The following AHNAK variants were observed in gnomAD, a reference collection of about 807,000 sequenced individuals.
AHNAK encodes AHNAK nucleoprotein.
In AHNAK, 23 loss-of-function variants were observed where a neutral mutation model predicts 37.8. The observed-to-expected ratio is 0.61, with a 90% CI of 0.44 to 0.86. AHNAK has a LOEUF of 0.86. Among genes scored for constraint, AHNAK ranks in the 40% least tolerant of loss-of-function variants. The probability of loss-of-function intolerance (pLI) is 0.00; values close to 1 mark genes in which losing one functional copy is unlikely to be tolerated. For missense variants in AHNAK, 7,411 were observed against 7,319.4 expected (o/e 1.01, Z -0.46); for synonymous variants, 2,481 against 2,636.3 (o/e 0.94, Z 1.80).
chr11:62,516,220 C>T lies in AHNAK; in HGVS notation c.*524G>A. 7.8e-7 allele frequency: 1 copy of T among 1,289,232 alleles called. No individual in the cohort carries two copies. 79.9% of individuals were successfully genotyped at this position (1,289,232 alleles called of 1,614,324 possible). A position where few individuals can be genotyped will look rare whatever the true frequency, so the allele number is the denominator to read the frequency against. On this transcript the variant is annotated 3_prime_UTR_variant, in exon 5 of 5. Transcript: ENST00000378024. ...ACAACACTAAAGAACCCTAAAAACA[C>T]CCACACACCCTGACTACCACCACCT...
chr11:62,468,879 G>A (rs1047940125), intron 5 of AHNAK, among the ~76,000 whole-genome samples: 5 of 152,156 alleles, frequency 3.3e-5, no homozygotes, highest in Non-Finnish European at 5.9e-5. Flanking sequence ...GCTTTCCTCA[G>A]CTCTTTTCTG....
chr11:62,501,215 AT>A (rs1346548683), intron 4 of AHNAK, among the ~76,000 whole-genome samples: 1 of 151,952 alleles, frequency 6.6e-6, no homozygotes, highest in Non-Finnish European at 1.5e-5. Context: ...AAAAAAAACA[AT>A]TTTATCCCTG....
intron 5 of AHNAK, among the ~76,000 whole-genome samples, chr11:62,485,254 TAGTC>T (rs1365013501): frequency 6.6e-6 from 1 of 152,076 alleles, no homozygotes; most frequent in Non-Finnish European, 1.5e-5. Flanking sequence ...TTTTAAAAAT[TAGTC>T]AGGCATGGTG....
chr11:62,467,228 A>AT (rs397942943), intron 5 of AHNAK, among the ~76,000 whole-genome samples: 1 of 150,826 alleles, frequency 6.6e-6, no homozygotes, highest in African/African-American at 2.4e-5. Flanking sequence ...AAAAAAAAAA[A>AT]CTTAGAAAAA....
downstream of AHNAK, among the ~76,000 whole-genome samples, chr11:62,514,557 A>G (rs1315276929): frequency 6.6e-6 from 1 of 152,148 alleles, no homozygotes; most frequent in African/African-American, 2.4e-5. Flanking sequence ...CTCCATAAGT[A>G]TGTATCTGGC....
At chr11:62,512,851 G>A (rs1253780465), downstream of AHNAK, among the ~76,000 whole-genome samples, 1 of 132,556 alleles carries the variant, frequency 7.5e-6, no homozygotes, top group Non-Finnish European at 1.6e-5. This position sits in a 1 kb window ranked among gnomAD's most constrained non-coding sequence, Gnocchi z 4.0. Flanking sequence ...GCAAGATCCT[G>A]TTAGGAAGAA....
intron 5 of AHNAK, among the ~76,000 whole-genome samples, chr11:62,464,467 A>G (rs1306334047): frequency 6.6e-6 from 1 of 151,970 alleles, no homozygotes; most frequent in Admixed American, 6.5e-5. Flanking sequence ...CAGGAGTTTG[A>G]GACCAGCCTG....
At position 62,529,959 on chromosome 11, in the gene AHNAK, G is replaced by A. The variant is rs1940667190; in HGVS notation, c.4458C>T (p.Asp1486=). The A allele has an allele frequency of 1.2e-6, 2 of 1,613,192 alleles. No homozygotes were observed. Among genetic ancestry groups the A allele is most frequent in the Admixed American group, 1.7e-5 (1 of 59,884 alleles). Reference sequence around the variant, plus strand: ...TAATATCAACTTTGGGGCCTTTGATGTCAACATCAGGAGCTTTTATCTCTC... The same window carrying A: ...TAATATCAACTTTGGGGCCTTTGATATCAACATCAGGAGCTTTTATCTCTC... ...VEGEIKAPDV[D]IKGPKVDINA... The change falls in exon 5 of 5, where the codon GAC becomes GAT. Residue 1486 remains aspartate (D), a synonymous_variant. Coordinates refer to ENST00000378024, the MANE Select transcript of AHNAK (RefSeq NM_001620.3).
At chr11:62,472,792 C>T (rs896938938) in intron 5 of AHNAK, among the ~76,000 whole-genome samples, 7 of 151,988 alleles carry the variant, frequency 4.6e-5, no homozygotes, top group Admixed American at 3.3e-4. Context: ...GTAAAATTCA[C>T]GAAACAAAGT....
In AHNAK at chr11:62,439,664, G is replaced by GTTTT. The variant is rs1565194563; in HGVS notation, c.443-5774_443-5773insAAAA. On this transcript the variant is annotated intron_variant, in intron 5 of 5. Transcript: ENST00000257247. ...TTTGGTTTGTTTTGGATTTTTGTGTGATTTTTTTTTTTTTTTTTTTTGAGA... is the reference window on the plus strand; with the variant it reads ...TTTGGTTTGTTTTGGATTTTTGTGTGTTTTATTTTTTTTTTTTTTTTTTTTGAGA... Among the ~76,000 whole-genome samples, 20 of 126,418 alleles carry GTTTT rather than the reference G, an allele frequency of 1.6e-4. 3 individuals are homozygous for GTTTT. Among genetic ancestry groups the GTTTT allele is most frequent in the East Asian group, 4.8e-4 (2 of 4,178 alleles). The allele number at this position is 126,418 out of a possible 152,430, so 82.9% of individuals were successfully genotyped here. A position where few individuals can be genotyped will look rare whatever the true frequency, so the allele number is the denominator to read the frequency against.
At chr11:62,537,780 T>A (rs962792460) in intron 1 of AHNAK, among the ~76,000 whole-genome samples, 1 of 151,846 alleles carries the variant, frequency 6.6e-6, no homozygotes, top group African/African-American at 2.4e-5. Context: ...CCTCCCAGGT[T>A]CAAGCAATTC....
intron 5 of AHNAK, among the ~76,000 whole-genome samples, chr11:62,444,668 C>T (rs571716449): frequency 6.6e-6 from 1 of 152,362 alleles, no homozygotes; most frequent in Admixed American, 6.5e-5. Context: ...AGAGTCACAT[C>T]TGACGCCCCT....
intron 5 of AHNAK, among the ~76,000 whole-genome samples, chr11:62,449,220 C>A (rs905735102): frequency 6.6e-6 from 1 of 152,218 alleles, no homozygotes; most frequent in Non-Finnish European, 1.5e-5. Context: ...AAGTCTAAAT[C>A]CAGTGTATTT....
chr11:62,515,015 AG>A (rs1160649778), downstream of AHNAK, among the ~76,000 whole-genome samples: 1 of 152,146 alleles, frequency 6.6e-6, no homozygotes, highest in Non-Finnish European at 1.5e-5. Context: ...AGGAATGGCG[AG>A]GGGGACAAGC....
At chr11:62,538,456 A>G (rs1487414755) in intron 1 of AHNAK, among the ~76,000 whole-genome samples, 2 of 152,250 alleles carry the variant, frequency 1.3e-5, no homozygotes, top group East Asian at 3.9e-4. Flanking sequence ...AAATGGCGGC[A>G]GCAGCCACCA....
Position 62,518,203 on chromosome 11 carries a change from T to G in AHNAK, c.16214A>C (p.Lys5405Thr). The G allele has an allele frequency of 6.2e-7, 1 of 1,614,074 alleles. No individual in the cohort carries two copies. The highest frequency in any genetic ancestry group is 8.5e-7 in the Non-Finnish European group (1 of 1,180,006). Residue 5405 changes from lysine (K) to threonine (T), a missense_variant, in exon 5 of 5, where the codon AAA becomes ACA. Physicochemically the swap from Lys to Thr is moderately conservative, Grantham distance 78 (BLOSUM62 -1). Transcript: ENST00000378024. ...EASEGSIKLP[K>T]MKLPQFGIST... is the part of the protein sequence containing the mutation. ...GATGCCAAATTGGGGCAGCTTCATTTTGGGAAGTTTAATGCTGCCTTCGGA... is the reference window on the plus strand; with the variant it reads ...GATGCCAAATTGGGGCAGCTTCATTGTGGGAAGTTTAATGCTGCCTTCGGA...
intron 5 of AHNAK, among the ~76,000 whole-genome samples, chr11:62,465,424 C>A (rs1267315563): frequency 1.3e-5 from 2 of 152,008 alleles, no homozygotes; most frequent in Non-Finnish European, 2.9e-5. Flanking sequence ...ACCAGCCTGA[C>A]CAACATGGTG....
At chr11:62,447,248 T>A (rs146816703) in intron 5 of AHNAK, among the ~76,000 whole-genome samples, 44 of 152,280 alleles carry the variant, frequency 2.9e-4, no homozygotes, top group African/African-American at 8.4e-4. Flanking sequence ...GCTGGAAGAA[T>A]CCTGTTTGTT....
At chr11:62,442,429 T>A (rs1398723065) in intron 5 of AHNAK, among the ~76,000 whole-genome samples, 1 of 152,052 alleles carries the variant, frequency 6.6e-6, no homozygotes, top group Non-Finnish European at 1.5e-5. Flanking sequence ...GTGCCTGTAG[T>A]CCCAGCTACT....
Sources: gnomAD v4.1 joint callset for allele counts (sites outside exome capture counted in the v4.1 genomes callset) on GRCh38, gnomAD v4.1.1 for gene constraint, Gnocchi (gnomAD v3.1) non-coding constraint, MANE v1.5 for transcripts, NCBI Gene and HGNC (gene_info 2026-07-23, HGNC 2026-07-21) for gene names.